Variants in IPPK observed in about 807,000 individuals in gnomAD.
The protein encoded by IPPK is inositol-pentakisphosphate 2-kinase, also known as IPK1 homolog.
In IPPK, 22 loss-of-function variants were observed where a neutral mutation model predicts 64.6. The observed-to-expected ratio is 0.34, with a 90% CI of 0.24 to 0.49. The LOEUF is 0.49. Ranked by LOEUF, IPPK falls within the 20% of genes least tolerant of loss-of-function variation. The pLI is 0.99. For missense variants in IPPK, 532 were observed against 630.7 expected, an observed-to-expected ratio of 0.84 and a Z score of 1.68; for synonymous variants, 262 against 247.2, an observed-to-expected ratio of 1.06 and a Z score of -0.56.
intron 1 of IPPK, among the ~76,000 whole-genome samples, chr9:92,668,924 A>G (rs1030775446): frequency 6.6e-6 from 1 of 152,208 alleles, no homozygotes; most frequent in Non-Finnish European, 1.5e-5. Context: ...CATCCCTGAC[A>G]AGCTGTTCGA....
At position 92,614,618 on chromosome 9, in the gene IPPK, A is replaced by G. The variant is rs1198531618; in HGVS notation, c.*1214T>C. 1 of 152,676 alleles carries G rather than the reference A, an allele frequency of 6.5e-6. No homozygotes were observed. The highest frequency in any genetic ancestry group is 1.5e-5 in the Non-Finnish European group (1 of 68,042). 9.5% of individuals were successfully genotyped at this position (152,676 alleles called of 1,614,324 possible). ...ACAAAATTTCCCACAAAAATTTACA[A>G]TCAGCAAAATAGTTTCCTTATTTCT... is the stretch of plus-strand genomic sequence containing the variant. On this transcript the variant is annotated 3_prime_UTR_variant, in exon 13 of 13. Transcript: ENST00000287996.
In IPPK at chr9:92,649,464, C is replaced by T. The variant is rs1473199693; in HGVS notation, c.403G>A (p.Val135Ile). The stretch of plus-strand genomic sequence containing the variant: ...CCTCGACAGGTCACCTTAATCTCTA[C>T]ACACAGAATCGGCCGGTGCTCTGCA... ...RFAEHRPILCVEIKPKCGFIP... is the reference protein window; with the variant it reads ...RFAEHRPILCIEIKPKCGFIP... The change falls in exon 5 of 13, where the codon GTA (valine) becomes ATA (isoleucine). Residue 135 changes from valine (V) to isoleucine (I), a missense_variant. Val to Ile is a conservative substitution (Grantham distance 29, BLOSUM62 3). Transcript: ENST00000287996. 3 of 1,614,132 alleles carry T rather than the reference C, an allele frequency of 1.9e-6. No homozygotes were observed. The highest frequency in any genetic ancestry group is 2.2e-5 in the East Asian group (1 of 44,884).
chr9:92,664,370 G>A (rs1305279775), intron 1 of IPPK, among the ~76,000 whole-genome samples: 1 of 152,252 alleles, frequency 6.6e-6, no homozygotes, highest in Non-Finnish European at 1.5e-5. Flanking sequence ...GTACTCTGCA[G>A]GCAAGAGCAG....
At chr9:92,640,903 G>A (rs1852033526) in intron 7 of IPPK, 121 bp from the exon 8 acceptor site, 3 of 738,874 alleles carry the variant, frequency 4.1e-6, no homozygotes, top group Non-Finnish European at 7.3e-6. Flanking sequence ...GGGAAACCCA[G>A]AGTCCAACTA....
At chr9:92,660,901 A>T (rs971835666) in intron 1 of IPPK, among the ~76,000 whole-genome samples, 9 of 152,262 alleles carry the variant, frequency 5.9e-5, no homozygotes, top group Admixed American at 2.0e-4. Flanking sequence ...AAAAATTTTT[A>T]AAAATAAGTT....
At chr9:92,618,164 CGGA>C (rs1299952865) in intron 12 of IPPK, 2 of 451,382 alleles carry the variant, frequency 4.4e-6, no homozygotes, top group East Asian at 7.0e-5. Context: ...GCCATGTTCT[CGGA>C]GGAGAAGCCT....
At position 92,670,122 on chromosome 9, in the gene IPPK, C is replaced by T. The variant is rs926522980; in HGVS notation, c.-134G>A. The T allele has an allele frequency of 1.7e-6, 1 of 572,372 alleles. No individual in the cohort carries two copies. The highest frequency in any genetic ancestry group is 2.0e-5 in the African/African-American group (1 of 49,856). The allele number at this position is 572,372 out of a possible 1,614,324, so 35.5% of individuals were successfully genotyped here. On this transcript the variant is annotated 5_prime_UTR_variant, in exon 1 of 13. Coordinates refer to ENST00000287996, the MANE Select transcript of IPPK (RefSeq NM_022755.6). ...AGCTGCCGCCCCCGCTCGACCCCGC[C>T]GCGGCGACTAGCAAGCTGTGGCCGC...
At position 92,640,335 on chromosome 9, in the gene IPPK, G is replaced by A. The variant is rs142084491; in HGVS notation, c.636+375C>T. Among the ~76,000 whole-genome samples, 7 of 101,564 alleles carry A rather than the reference G, an allele frequency of 6.9e-5. 1 individual carries two copies. In the East Asian group the frequency reaches 2.4e-3, roughly 34 times the overall value. 66.6% of individuals were successfully genotyped at this position (101,564 alleles called of 152,430 possible). On this transcript the variant is annotated intron_variant, in intron 8 of 12. Transcript: ENST00000287996. The stretch of plus-strand genomic sequence containing the variant: ...TCCTCTCCCTTGGACACCACTGCCA[G>A]CAGCAGGCCAGGTCACACCAGCCCA...
intron 5 of IPPK, 36 bp from the exon 6 acceptor site, chr9:92,648,184 G>C (rs900713710): frequency 6.9e-7 from 1 of 1,457,824 alleles, no homozygotes; most frequent in Non-Finnish European, 9.5e-7. Flanking sequence ...AAAATATTTA[G>C]GAAGAAATCA....
At chr9:92,630,323 GAA>G (rs1330831379) in intron 11 of IPPK, among the ~76,000 whole-genome samples, 1 of 152,222 alleles carries the variant, frequency 6.6e-6, no homozygotes, top group African/African-American at 2.4e-5. Flanking sequence ...GCAATATTTG[GAA>G]GAGACAAGTC....
intron 2 of IPPK, among the ~76,000 whole-genome samples, chr9:92,657,697 G>C (rs780901973): frequency 1.3e-5 from 2 of 152,206 alleles, no homozygotes; most frequent in Non-Finnish European, 2.9e-5. Context: ...CCGCAAGACA[G>C]TGGGGCCTTC....
intron 11 of IPPK, among the ~76,000 whole-genome samples, 183 bp downstream of exon 11, chr9:92,634,203 T>C (rs1851895724): frequency 6.6e-6 from 1 of 152,116 alleles, no homozygotes; most frequent in Non-Finnish European, 1.5e-5. Context: ...CCTTAAAACC[T>C]CAATGCACCA....
chr9:92,653,947 T>G (rs1216188728), intron 3 of IPPK, among the ~76,000 whole-genome samples: 1 of 152,224 alleles, frequency 6.6e-6, no homozygotes, highest in East Asian at 1.9e-4. Flanking sequence ...AAGGCACGCA[T>G]GCCGACTCTG....
At chr9:92,637,900 C>T (rs1221263730) in intron 9 of IPPK, 101 bp downstream of exon 9, 20 of 1,280,724 alleles carry the variant, frequency 1.6e-5, no homozygotes, top group Non-Finnish European at 1.8e-5. Context: ...TCCCCCAGAG[C>T]CCCCAGGAGG....
Position 92,613,213 on chromosome 9 carries a change from A to G in IPPK, c.*2619T>C. The G allele has an allele frequency of 6.2e-7, 1 of 1,601,046 alleles. No homozygotes were observed. The highest frequency in any genetic ancestry group is 8.6e-7 in the Non-Finnish European group (1 of 1,169,104). Reference sequence around the variant, plus strand: ...GGAGGAACATGCAATTTTATTCAATATAAACATTTGCTATTTTCTGCTTAG... The same window carrying G: ...GGAGGAACATGCAATTTTATTCAATGTAAACATTTGCTATTTTCTGCTTAG... On this transcript the variant is annotated 3_prime_UTR_variant, in exon 13 of 13. Coordinates refer to ENST00000287996, the MANE Select transcript of IPPK (RefSeq NM_022755.6).
intron 5 of IPPK, among the ~76,000 whole-genome samples, chr9:92,648,634 C>T (rs187075348): frequency 6.6e-6 from 1 of 152,322 alleles, no homozygotes; most frequent in Admixed American, 6.5e-5. Flanking sequence ...CACACGCAGG[C>T]CTGTGCTGAG....
At chr9:92,653,822 C>T (rs955873750) in intron 3 of IPPK, among the ~76,000 whole-genome samples, 3 of 151,962 alleles carry the variant, frequency 2.0e-5, no homozygotes, top group Non-Finnish European at 4.4e-5. Context: ...CCAGCCTGGG[C>T]GACAGAGCGA....
chr9:92,640,922 C>T (rs1852033869), intron 7 of IPPK, 140 bp from the exon 8 acceptor site: 1 of 681,852 alleles, frequency 1.5e-6, no homozygotes, highest in Non-Finnish European at 2.7e-6. Flanking sequence ...TAGGTCCAAA[C>T]AGTGACATTC....
At chr9:92,632,135 TG>T (rs759355979) in intron 11 of IPPK, among the ~76,000 whole-genome samples, 19 of 152,330 alleles carry the variant, frequency 1.2e-4, no homozygotes, top group Non-Finnish European at 1.6e-4. Flanking sequence ...GAAAGACATG[TG>T]GGTGGTTTCC....
Sources: allele counts gnomAD v4.1 joint callset (sites outside exome capture counted in the v4.1 genomes callset), GRCh38; gene constraint gnomAD v4.1.1; transcripts MANE v1.5; gene names NCBI Gene and HGNC (gene_info 2026-07-23, HGNC 2026-07-21).